Variants in SLC22A23 observed in about 807,000 individuals in gnomAD.
The protein encoded by SLC22A23 is ion transporter protein.
A neutral mutation model predicts 61.0 loss-of-function variants in SLC22A23; 26 were observed. The ratio of observed to expected loss-of-function variants is 0.43; its 90% confidence interval spans 0.31 to 0.59. The LOEUF (loss-of-function observed/expected upper bound fraction) is 0.59. Ranked by LOEUF, SLC22A23 falls within the 20% of genes least tolerant of loss-of-function variation. SLC22A23 has a pLI of 0.11. For missense variants in SLC22A23, 796 were observed against 934.7 expected (o/e 0.85, Z 1.94); for synonymous variants, 430 against 413.9 (o/e 1.04, Z -0.47).
rs976899086 is a variant in SLC22A23 at position 3,414,548 on chromosome 6, T to G, written c.758+1204A>C. ...AAGGAACTCCCAAATACACGCTGGG[T>G]TTTGGAAGAAATTTTCCACATGTGT... On this transcript the variant is annotated intron_variant, in intron 2 of 9. Coordinates refer to ENST00000406686, the MANE Select transcript of SLC22A23 (RefSeq NM_015482.2). This position sits in a 1 kb window ranked among gnomAD's most constrained non-coding sequence, Gnocchi z 5.1. Among the ~76,000 whole-genome samples, 4 of 151,786 alleles carry G rather than the reference T, an allele frequency of 2.6e-5. No homozygotes were observed. Among genetic ancestry groups the G allele is most frequent in the Admixed American group, 6.5e-5 (1 of 15,268 alleles).
chr6:3,289,673 G>T, intron 6 of SLC22A23, 91 bp downstream of exon 6: 4 of 1,004,656 alleles, frequency 4.0e-6, no homozygotes, highest in South Asian at 3.1e-5. Context: ...CAAGTTCAGC[G>T]GGGTGGGGAG....
chr6:3,275,214 G>A (rs957832862), intron 9 of SLC22A23, among the ~76,000 whole-genome samples: 1 of 152,154 alleles, frequency 6.6e-6, no homozygotes, highest in Non-Finnish European at 1.5e-5. Context: ...CCAGTGAGGG[G>A]GAAGGGATAG....
rs1758556270 is a variant in SLC22A23 at position 3,272,769 on chromosome 6, TCAGTGA to T, written c.*280_*285del. 3 of 257,346 alleles carry T rather than the reference TCAGTGA, an allele frequency of 1.2e-5. No homozygotes were observed. The Admixed American group carries it at 1.5e-4, about 13-fold the overall frequency. 15.9% of individuals were successfully genotyped at this position (257,346 alleles called of 1,614,324 possible). On this transcript the variant is annotated 3_prime_UTR_variant, in exon 10 of 10. Coordinates refer to ENST00000406686, the MANE Select transcript of SLC22A23 (RefSeq NM_015482.2). Reference sequence around the variant, plus strand: ...CCCAGGGAGGTGATTCCATTTGTGATCAGTGAGAGGGAGAGGGAATAAAGTGCTTCT... The same window carrying T: ...CCCAGGGAGGTGATTCCATTTGTGATGAGGGAGAGGGAATAAAGTGCTTCT...
chr6:3,365,298 G>T (rs1420274692), intron 3 of SLC22A23, among the ~76,000 whole-genome samples: 1 of 152,130 alleles, frequency 6.6e-6, no homozygotes, highest in African/African-American at 2.4e-5. Flanking sequence ...CTCCAGCCTG[G>T]GTGACAGAGC....
intron 3 of SLC22A23, among the ~76,000 whole-genome samples, chr6:3,382,996 G>A (rs1231278572): frequency 1.3e-5 from 2 of 152,288 alleles, no homozygotes; most frequent in Non-Finnish European, 1.5e-5. Context: ...ACATAACAAC[G>A]AGCAAGATAA....
intron 3 of SLC22A23, among the ~76,000 whole-genome samples, chr6:3,339,201 C>A (rs1025544131): frequency 4.6e-5 from 7 of 152,248 alleles, no homozygotes; most frequent in African/African-American, 1.7e-4. Context: ...CCTCTTCCAA[C>A]TTTAATAAAA....
At chr6:3,307,731 G>A (rs914410485) in intron 4 of SLC22A23, among the ~76,000 whole-genome samples, 29 of 152,216 alleles carry the variant, frequency 1.9e-4, no homozygotes, top group Non-Finnish European at 1.5e-5. Context: ...GGTGACTGTC[G>A]GTGAGTTACA....
chr6:3,286,414 C>T lies in SLC22A23; in HGVS notation c.1546+445G>A, dbSNP rs1035267593. ...CGCACCCGGCCAGATTATTTTTAACCTTTACTGAGAAATTCTTTGGTCCAA... is the reference window on the plus strand; with the variant it reads ...CGCACCCGGCCAGATTATTTTTAACTTTTACTGAGAAATTCTTTGGTCCAA... On this transcript the variant is annotated intron_variant, in intron 7 of 9. Transcript: ENST00000406686. This position sits in a 1 kb window ranked among gnomAD's most constrained non-coding sequence, Gnocchi z 4.2. Among the ~76,000 whole-genome samples the T allele has an allele frequency of 1.3e-5, 2 of 152,180 alleles. No homozygotes were observed. The highest frequency in any genetic ancestry group is 2.1e-4 in the South Asian group (1 of 4,836).
At chr6:3,421,279 A>C (rs1049349905) in intron 1 of SLC22A23, among the ~76,000 whole-genome samples, 2 of 152,184 alleles carry the variant, frequency 1.3e-5, no homozygotes, top group Admixed American at 6.5e-5. Context: ...ATTACTTTAA[A>C]TGGGGTCTAC....
chr6:3,349,916 C>T (rs1764664468), intron 3 of SLC22A23, among the ~76,000 whole-genome samples: 1 of 152,248 alleles, frequency 6.6e-6, no homozygotes, highest in Non-Finnish European at 1.5e-5. Context: ...CTCTTGATTC[C>T]TGTGATACAC....
chr6:3,456,084 G>A lies in SLC22A23; in HGVS notation c.476C>T (p.Pro159Leu), dbSNP rs761529558. Residue 159 changes from proline to leucine, a missense_variant, in exon 1 of 10, where the codon CCC (proline) becomes CTC (leucine). By Grantham distance (98) the Pro-to-Leu change is moderately conservative. Transcript: ENST00000406686. The surrounding 1 kb of genome is among the most constrained non-coding windows in gnomAD (Gnocchi z 7.1). Reference protein sequence around the residue: ...MGNWTSLPTTPFATAPWEAAG... With the variant: ...MGNWTSLPTTLFATAPWEAAG... ...AGCCTCCCAGGGGGCAGTGGCGAAG[G>A]GGGTGGTGGGGAGGCTGGTCCAGTT... The A allele has an allele frequency of 1.9e-6, 3 of 1,550,278 alleles. No homozygotes were observed. The highest frequency in any genetic ancestry group is 2.0e-5 in the Admixed American group (1 of 50,972).
chr6:3,423,426 C>T (rs913584427), intron 1 of SLC22A23, among the ~76,000 whole-genome samples: 1 of 152,134 alleles, frequency 6.6e-6, no homozygotes, highest in African/African-American at 2.4e-5. Flanking sequence ...TGAATAGATA[C>T]CCACAAAGCA....
chr6:3,440,581 C>T (rs1771525628), intron 1 of SLC22A23, among the ~76,000 whole-genome samples: 1 of 151,954 alleles, frequency 6.6e-6, no homozygotes, highest in African/African-American at 2.4e-5. Flanking sequence ...GTGGCGGGCG[C>T]CTGTAATCCC....
At chr6:3,433,113 T>C (rs13206693) in intron 1 of SLC22A23, among the ~76,000 whole-genome samples, 46,006 of 151,982 alleles carry the variant, frequency 0.3, 8,063 homozygotes, top group East Asian at 0.47. Flanking sequence ...AAATAGGTCT[T>C]CATCAAACGC....
chr6:3,323,738 T>G (rs1763103283), intron 4 of SLC22A23, 96 bp downstream of exon 4: 5 of 1,355,262 alleles, frequency 3.7e-6, no homozygotes, highest in Non-Finnish European at 5.0e-6. Flanking sequence ...CTGCAACTAG[T>G]GGGAAGTGTG....
chr6:3,446,171 G>A (rs2127555714), intron 1 of SLC22A23, among the ~76,000 whole-genome samples: 1 of 152,266 alleles, frequency 6.6e-6, no homozygotes, highest in South Asian at 2.1e-4. Flanking sequence ...CCAGCGCCAG[G>A]GAGAAGTCAC....
At position 3,350,661 on chromosome 6, in the gene SLC22A23, T is replaced by C. The variant is rs150264730; in HGVS notation, c.914-26659A>G. 1.2e-3 allele frequency among the ~76,000 whole-genome samples: 182 copies of C among 152,336 alleles called. 1 individual carries two copies. Among genetic ancestry groups the C allele is most frequent in the African/African-American group, 4.1e-3 (172 of 41,578 alleles). ...GACAGCTGCAGGCTGGATTAACTGA[T>C]CCATTCGTCAAACTGGTTGTCAGAG... is the stretch of plus-strand genomic sequence containing the variant. On this transcript the variant is annotated intron_variant, in intron 3 of 9. Transcript: ENST00000406686.
chr6:3,377,598 C>CA (rs1408448418), intron 3 of SLC22A23, among the ~76,000 whole-genome samples: 2 of 152,228 alleles, frequency 1.3e-5, no homozygotes, highest in East Asian at 3.8e-4. Context: ...CATGCAGCTG[C>CA]ATCCACAGGA....
chr6:3,287,385 A>G lies in SLC22A23; in HGVS notation c.1314-294T>C, dbSNP rs180671063. Reference sequence around the variant, plus strand: ...AGTGAGTCCTTTTGTTAAAACACACACTTTCATGGGAATCCTCCAAGACAA... The same window carrying G: ...AGTGAGTCCTTTTGTTAAAACACACGCTTTCATGGGAATCCTCCAAGACAA... On this transcript the variant is annotated intron_variant, in intron 6 of 9. Transcript: ENST00000406686. Among the ~76,000 whole-genome samples the G allele has an allele frequency of 4.9e-4, 75 of 152,276 alleles. 1 individual carries two copies. The highest frequency in any genetic ancestry group is 1.8e-3 in the African/African-American group (73 of 41,552).
Sources: allele counts gnomAD v4.1 joint callset (sites outside exome capture counted in the v4.1 genomes callset), GRCh38; gene constraint gnomAD v4.1.1; non-coding constraint Gnocchi (gnomAD v3.1); transcripts MANE v1.5; gene names NCBI Gene and HGNC (gene_info 2026-07-23, HGNC 2026-07-21).